DNAH9: variants seen among roughly 807,000 people sequenced by gnomAD.
DNAH9 encodes the protein DNAH9 variant protein.
DNAH9 carries 345 observed loss-of-function variants against 471.6 expected under a neutral mutation model. The ratio of observed to expected loss-of-function variants is 0.73; its 90% CI spans 0.67 to 0.80. The LOEUF (loss-of-function observed/expected upper bound fraction) is 0.80, where lower values mean the gene tolerates loss of function less well. DNAH9 is among the 30% of genes least tolerant of loss of function. The pLI, the probability that DNAH9 is intolerant of heterozygous loss-of-function variation, is 0.00. For missense variants in DNAH9, 5,407 were observed against 5,609.2 expected (o/e 0.96, Z 1.15); for synonymous variants, 2,093 against 2,123.6 (o/e 0.99, Z 0.40).
chr17:11,943,401 G>A (rs1039981279), intron 67 of DNAH9, among the ~76,000 whole-genome samples: 4 of 151,996 alleles, frequency 2.6e-5, no homozygotes, highest in Non-Finnish European at 5.9e-5. Flanking sequence ...GGTTAGGGCC[G>A]GGCGCGGTGG....
At chr17:11,616,304 G>A (rs778163058) in intron 4 of DNAH9, among the ~76,000 whole-genome samples, 2 of 152,176 alleles carry the variant, frequency 1.3e-5, no homozygotes, top group Non-Finnish European at 2.9e-5. Flanking sequence ...TATTGAAACT[G>A]CTTCCTAAAT....
chr17:11,791,090 A>T (rs908582114), intron 41 of DNAH9, among the ~76,000 whole-genome samples: 26 of 152,010 alleles, frequency 1.7e-4, no homozygotes, highest in African/African-American at 6.0e-4. Context: ...GATCATTTTT[A>T]TTCTGCTTGA....
intron 9 of DNAH9, among the ~76,000 whole-genome samples, chr17:11,637,835 C>G (rs907715705): frequency 1.3e-5 from 2 of 151,944 alleles, no homozygotes; most frequent in Non-Finnish European, 2.9e-5. Context: ...ATGGGAGATT[C>G]GAGGGCAGGC....
At chr17:11,821,579 T>C (rs1242212861) in intron 45 of DNAH9, among the ~76,000 whole-genome samples, 2 of 152,120 alleles carry the variant, frequency 1.3e-5, no homozygotes, top group African/African-American at 4.8e-5. Flanking sequence ...TGCTAAATAT[T>C]AAACTCCTGG....
intron 14 of DNAH9, among the ~76,000 whole-genome samples, chr17:11,663,819 G>T (rs1355107669): frequency 1.3e-5 from 2 of 152,188 alleles, no homozygotes; most frequent in Non-Finnish European, 2.9e-5. Context: ...ATACCCGAGA[G>T]AAACTCTGTC....
At chr17:11,918,412 T>C (rs1425401276) in intron 61 of DNAH9, among the ~76,000 whole-genome samples, 1 of 152,074 alleles carries the variant, frequency 6.6e-6, no homozygotes, top group African/African-American at 2.4e-5. Flanking sequence ...TTGTATTTTT[T>C]GTAGAGATGG....
chr17:11,869,909 G>A (rs751353216), intron 51 of DNAH9, among the ~76,000 whole-genome samples: 2 of 152,204 alleles, frequency 1.3e-5, no homozygotes, highest in Non-Finnish European at 2.9e-5. Context: ...GGCCATGACT[G>A]GGGTCACTTG....
At chr17:11,700,754 T>G (rs2150772155) in intron 23 of DNAH9, among the ~76,000 whole-genome samples, 1 of 152,294 alleles carries the variant, frequency 6.6e-6, no homozygotes, top group African/African-American at 2.4e-5. Context: ...ACAATCCTGG[T>G]TTGCGCTTCA....
chr17:11,776,136 A>G lies in DNAH9; in HGVS notation c.7553-4873A>G, dbSNP rs935932891. On this transcript the variant is annotated intron_variant, in intron 38 of 68. Transcript: ENST00000262442. ...TTAGTTCTTTAATCCTCCCCAGCCT[A>G]TGAAACTATTTCAGTATGGCTTTTG... Among the ~76,000 whole-genome samples, 3 of 152,300 alleles carry G rather than the reference A, an allele frequency of 2.0e-5. No homozygotes were observed. The East Asian group carries it at 5.8e-4, about 29-fold the overall frequency.
At chr17:11,749,384 G>A (rs1967055341) in intron 32 of DNAH9, among the ~76,000 whole-genome samples, 2 of 151,930 alleles carry the variant, frequency 1.3e-5, no homozygotes, top group African/African-American at 4.8e-5. Flanking sequence ...ATGATGCCAG[G>A]CCAAGAGTTT....
chr17:11,692,991 C>T (rs527700704), intron 20 of DNAH9, among the ~76,000 whole-genome samples: 67 of 149,732 alleles, frequency 4.5e-4, no homozygotes, highest in African/African-American at 1.4e-3. Context: ...ATACAACCTC[C>T]GCCTCCCGGT....
At chr17:11,718,434 T>C (rs1480519337) in intron 26 of DNAH9, among the ~76,000 whole-genome samples, 1 of 152,266 alleles carries the variant, frequency 6.6e-6, no homozygotes, top group African/African-American at 2.4e-5. Flanking sequence ...CAAGTCTTTG[T>C]GTAAACATGT....
At chr17:11,640,661 A>C (rs917595846) in intron 10 of DNAH9, among the ~76,000 whole-genome samples, 1 of 152,158 alleles carries the variant, frequency 6.6e-6, no homozygotes, top group African/African-American at 2.4e-5. Flanking sequence ...CAGGGATTTT[A>C]AGCTCTGTGG....
At chr17:11,817,896 A>C (rs962756447) in intron 45 of DNAH9, among the ~76,000 whole-genome samples, 1 of 152,220 alleles carries the variant, frequency 6.6e-6, no homozygotes, top group African/African-American at 2.4e-5. Flanking sequence ...TTTTTATTTC[A>C]ACCTTTTAAA....
At chr17:11,903,793 C>A (rs1436780830) in intron 60 of DNAH9, among the ~76,000 whole-genome samples, 2 of 152,058 alleles carry the variant, frequency 1.3e-5, no homozygotes, top group Non-Finnish European at 2.9e-5. Flanking sequence ...TTCCTGTAGT[C>A]CCAGCTACTT....
chr17:11,791,056 G>A (rs1296103150), intron 41 of DNAH9, among the ~76,000 whole-genome samples: 1 of 151,900 alleles, frequency 6.6e-6, no homozygotes, highest in African/African-American at 2.4e-5. Flanking sequence ...CTTTATTCCT[G>A]TACATTCCTG....
At position 11,880,168 on chromosome 17, in the gene DNAH9, C is replaced by T; in HGVS notation, c.10569C>T (p.Pro3523=). ...AGTCCATTGATCCTGTTCTGGGACC[C>T]CTGCTTGGGAGAGAAGTCATTAAAA... The part of the protein sequence containing the change: ...LEESIDPVLG[P]LLGREVIKKG... Residue 3523 remains proline, a synonymous_variant, in exon 54 of 69, where the codon CCC becomes CCT. Coordinates refer to ENST00000262442, the MANE Select transcript of DNAH9 (RefSeq NM_001372.4). 1 of 1,613,810 alleles carries T rather than the reference C, an allele frequency of 6.2e-7. No homozygotes were observed. The highest frequency in any genetic ancestry group is 8.5e-7 in the Non-Finnish European group (1 of 1,179,834).
chr17:11,822,343 T>A (rs1432420165), intron 46 of DNAH9, 95 bp from the exon 47 acceptor site: 1 of 1,420,230 alleles, frequency 7.0e-7, no homozygotes, highest in African/African-American at 1.4e-5. Flanking sequence ...TGCTTCCCAA[T>A]CTTCTGGGAG....
chr17:11,778,392 G>T (rs1003321148), intron 38 of DNAH9, among the ~76,000 whole-genome samples: 1 of 150,732 alleles, frequency 6.6e-6, no homozygotes, highest in Non-Finnish European at 1.5e-5. Context: ...GAGAAACGGG[G>T]TGCCTGGAGC....
Sources: gnomAD v4.1 joint callset for allele counts (sites outside exome capture counted in the v4.1 genomes callset) on GRCh38, gnomAD v4.1.1 for gene constraint, MANE v1.5 for transcripts, NCBI Gene and HGNC (gene_info 2026-07-23, HGNC 2026-07-21) for gene names.